Variants in CAST observed in about 807,000 individuals in gnomAD.
CAST encodes MIR583 host.
Under a neutral mutation model 119.6 loss-of-function variants are expected in CAST, and 76 were observed. That is an observed-to-expected ratio of 0.64 (90% CI 0.53 to 0.77). The LOEUF (loss-of-function observed/expected upper bound fraction) is 0.77, where lower values mean the gene tolerates loss of function less well. Ranked by LOEUF, CAST falls within the 30% of genes least tolerant of loss-of-function variation. The probability of loss-of-function intolerance (pLI) is 0.00; values close to 1 mark genes in which losing one functional copy is unlikely to be tolerated. For synonymous variants in CAST, 319 were observed against 331.6 expected (o/e 0.96, Z 0.41); for missense variants, 953 against 946.5 (o/e 1.01, Z -0.09).
the CAST span, among the ~76,000 whole-genome samples, chr5:96,234,397 T>G: frequency 6.6e-6 from 1 of 152,184 alleles, no homozygotes; most frequent in Non-Finnish European, 1.5e-5. Context: ...ATATCTGCCT[T>G]ACAGTTTGCA....
chr5:96,372,165 G>A, the CAST span, among the ~76,000 whole-genome samples: 238 of 152,306 alleles, frequency 1.6e-3, no homozygotes, highest in African/African-American at 5.2e-3. Context: ...GAATGGCTAG[G>A]ATTGGAACCC....
the CAST span, among the ~76,000 whole-genome samples, chr5:96,066,073 A>C: frequency 6.6e-6 from 1 of 152,228 alleles, no homozygotes; most frequent in African/African-American, 2.4e-5. Flanking sequence ...GAAAACTGCT[A>C]GTGCAGGCAG....
At chr5:95,988,954 T>C in the CAST span, among the ~76,000 whole-genome samples, 9 of 152,204 alleles carry the variant, frequency 5.9e-5, 1 homozygote, top group Non-Finnish European at 1.2e-4. Flanking sequence ...AAAAACGTAA[T>C]GCTCTTGTTT....
chr5:96,438,989 G>A, the CAST span, among the ~76,000 whole-genome samples: 1 of 152,110 alleles, frequency 6.6e-6, no homozygotes, highest in African/African-American at 2.4e-5. Flanking sequence ...AGAAGGGTGA[G>A]GACAGAGAAA....
chr5:96,731,951 C>T lies in CAST; in HGVS notation c.630+1091C>T, dbSNP rs545149211. 1.6e-4 allele frequency among the ~76,000 whole-genome samples: 25 copies of T among 152,228 alleles called. 1 individual carries two copies. The highest frequency in any genetic ancestry group is 3.1e-4 in the African/African-American group (13 of 41,516). ...AAGTCTTTGCTATTGTGAATAATGCCGCAGTAAACATACTTGTGCATGTGT... is the reference window on the plus strand; with the variant it reads ...AAGTCTTTGCTATTGTGAATAATGCTGCAGTAAACATACTTGTGCATGTGT... On this transcript the variant is annotated intron_variant, in intron 9 of 31. Transcript: ENST00000675179.
chr5:96,657,246 G>T (rs1211958534), upstream of CAST, among the ~76,000 whole-genome samples: 1 of 152,130 alleles, frequency 6.6e-6, no homozygotes, highest in African/African-American at 2.4e-5. Context: ...GTGTGGTTTG[G>T]GTGTGGCGGT....
At chr5:96,538,847 TA>T (rs1315898487) in intron 1 of CAST, among the ~76,000 whole-genome samples, 3 of 151,352 alleles carry the variant, frequency 2.0e-5, no homozygotes, top group African/African-American at 4.9e-5. Flanking sequence ...GTTTGGGGTT[TA>T]AAAAAAATCT....
chr5:96,005,609 A>T, the CAST span, among the ~76,000 whole-genome samples: 19 of 152,190 alleles, frequency 1.2e-4, no homozygotes, highest in Non-Finnish European at 5.9e-5. Flanking sequence ...GTACTATTTG[A>T]TTATATTATC....
chr5:96,389,951 T>A, the CAST span, among the ~76,000 whole-genome samples: 11 of 151,904 alleles, frequency 7.2e-5, no homozygotes, highest in Non-Finnish European at 1.5e-4. Context: ...AAAAAAAAGT[T>A]GGAACTTTGA....
chr5:96,770,953 T>C (rs1399367282), intron 30 of CAST, among the ~76,000 whole-genome samples: 3 of 152,098 alleles, frequency 2.0e-5, no homozygotes, highest in African/African-American at 7.2e-5. Flanking sequence ...CAAGCTGTGA[T>C]GAGAAATGAA....
chr5:96,433,965 AT>A, the CAST span: 1 of 152,136 alleles, frequency 6.6e-6, no homozygotes, highest in Non-Finnish European at 1.5e-5. Flanking sequence ...TAATCATGTG[AT>A]TTTAAAAAAA....
chr5:96,747,904 G>A (rs1168362978), intron 18 of CAST, among the ~76,000 whole-genome samples: 2 of 152,166 alleles, frequency 1.3e-5, no homozygotes, highest in Non-Finnish European at 2.9e-5. Context: ...GAGGGCCTAT[G>A]TAAATAGCCC....
At chr5:96,136,240 A>C in the CAST span, among the ~76,000 whole-genome samples, 1 of 152,140 alleles carries the variant, frequency 6.6e-6, no homozygotes, top group Non-Finnish European at 1.5e-5. Context: ...CTAATTTGAT[A>C]TTATGTTATT....
chr5:96,580,272 C>T (rs913749234), intron 1 of CAST, among the ~76,000 whole-genome samples: 3 of 151,990 alleles, frequency 2.0e-5, no homozygotes, highest in Non-Finnish European at 4.4e-5. Flanking sequence ...GAAAAAGTAT[C>T]GTAAATCAGA....
chr5:96,316,014 A>G, the CAST span, among the ~76,000 whole-genome samples: 2 of 152,308 alleles, frequency 1.3e-5, no homozygotes, highest in East Asian at 3.9e-4. Flanking sequence ...CCACGCAGAG[A>G]AAAACAAAAC....
chr5:96,696,916 G>A (rs1054916480), intron 3 of CAST, among the ~76,000 whole-genome samples: 1 of 151,852 alleles, frequency 6.6e-6, no homozygotes, highest in African/African-American at 2.4e-5. Flanking sequence ...AAATAAAATT[G>A]TTTTGGGAGT....
At chr5:96,600,233 T>C (rs1747125685) in intron 1 of CAST, among the ~76,000 whole-genome samples, 1 of 152,238 alleles carries the variant, frequency 6.6e-6, no homozygotes, top group Non-Finnish European at 1.5e-5. Flanking sequence ...TCTCCCTTTC[T>C]AGATACCTGG....
intron 1 of CAST, among the ~76,000 whole-genome samples, chr5:96,542,885 A>G (rs542648411): frequency 6.6e-6 from 1 of 152,358 alleles, no homozygotes; most frequent in African/African-American, 2.4e-5. Context: ...AAGTCAGGAA[A>G]CAGATGCTGG....
At chr5:96,172,867 A>G in the CAST span, among the ~76,000 whole-genome samples, 1 of 152,162 alleles carries the variant, frequency 6.6e-6, no homozygotes, top group African/African-American at 2.4e-5. Context: ...CCTCACTCCC[A>G]CCATTTCTGG....
Sources: gnomAD v4.1 joint callset for allele counts (sites outside exome capture counted in the v4.1 genomes callset) on GRCh38, gnomAD v4.1.1 for gene constraint, MANE v1.5 for transcripts, NCBI Gene and HGNC (gene_info 2026-07-23, HGNC 2026-07-21) for gene names.